Variants in NREP observed in about 807,000 individuals in gnomAD.
NREP encodes neuronal regeneration-related protein.
NREP carries 5 observed loss-of-function variants against 8.6 expected under a neutral mutation model. That is an observed-to-expected ratio of 0.58 (90% CI 0.30 to 1.22). The LOEUF (loss-of-function observed/expected upper bound fraction) is 1.22, where lower values mean the gene tolerates loss of function less well. Among genes scored for constraint, NREP ranks in the 50% most tolerant of loss-of-function variants. The probability of loss-of-function intolerance (pLI) is 0.07; values close to 1 mark genes in which losing one functional copy is unlikely to be tolerated. For missense variants in NREP, 86 were observed against 82.5 expected (o/e 1.04, Z -0.17); for synonymous variants, 27 against 28.0 (o/e 0.96, Z 0.11).
At chr5:111,759,935 G>C (rs2112861938), upstream of NREP, among the ~76,000 whole-genome samples, 1 of 152,258 alleles carries the variant, frequency 6.6e-6, no homozygotes, top group Middle Eastern at 3.4e-3. Context: ...TGTGACTATA[G>C]TCTGACTTTC....
At chr5:111,898,244 C>A (rs933927239) in intron 2 of NREP, among the ~76,000 whole-genome samples, 2 of 151,778 alleles carry the variant, frequency 1.3e-5, no homozygotes, top group Admixed American at 6.6e-5. Flanking sequence ...TGGAAGGAGG[C>A]GATTGCAGTA....
intron 2 of NREP, chr5:111,738,556 C>T (rs1289446348): frequency 1.3e-5 from 2 of 152,170 alleles, no homozygotes; most frequent in Non-Finnish European, 2.9e-5. Flanking sequence ...TTTTTGCATT[C>T]ATGCAGCAAG....
chr5:111,951,506 C>T (rs1350437390), intron 2 of NREP, among the ~76,000 whole-genome samples: 1 of 151,888 alleles, frequency 6.6e-6, no homozygotes, highest in Admixed American at 6.6e-5. Context: ...CAGAGTTGAG[C>T]AGTTATGACA....
At chr5:111,923,177 C>T (rs1230601391) in intron 2 of NREP, among the ~76,000 whole-genome samples, 1 of 152,152 alleles carries the variant, frequency 6.6e-6, no homozygotes, top group African/African-American at 2.4e-5. Flanking sequence ...TTTTCCTCTG[C>T]TTAATTCAAG....
chr5:111,741,148 A>G (rs1196475960), intron 2 of NREP, among the ~76,000 whole-genome samples: 1 of 152,208 alleles, frequency 6.6e-6, no homozygotes, highest in East Asian at 1.9e-4. Context: ...ATAACTTAAC[A>G]GGATGGGTAT....
At chr5:111,953,625 A>G (rs987464797) in intron 2 of NREP, among the ~76,000 whole-genome samples, 2 of 152,272 alleles carry the variant, frequency 1.3e-5, no homozygotes, top group East Asian at 1.9e-4. Context: ...CCTGCCCTCA[A>G]AAACCTCAGA....
intron 2 of NREP, among the ~76,000 whole-genome samples, chr5:111,953,330 G>T (rs1756218125): frequency 6.6e-6 from 1 of 152,090 alleles, no homozygotes; most frequent in Non-Finnish European, 1.5e-5. Context: ...GGGATATCTT[G>T]GGGCTGATTC....
At chr5:111,782,388 G>C (rs1001741744) in intron 2 of NREP, among the ~76,000 whole-genome samples, 1 of 152,164 alleles carries the variant, frequency 6.6e-6, no homozygotes, top group East Asian at 1.9e-4. Flanking sequence ...AAAAGGCATT[G>C]ATTCATCTCT....
At position 111,976,767 on chromosome 5, in the gene NREP, A is replaced by T. The variant is rs1756977199; in HGVS notation, c.-28T>A. On this transcript the variant is annotated 5_prime_UTR_variant, in exon 1 of 4. Coordinates refer to the NREP transcript ENST00000395634. ...CAGTCCTGTTACTGCTTGAGGATAA[A>T]GTTCAGTCTTTAAAGGACAAAGAAG... is the stretch of plus-strand genomic sequence containing the variant. The T allele has an allele frequency of 2.6e-6, 4 of 1,549,084 alleles. No individual in the cohort carries two copies. In the East Asian group the frequency reaches 9.8e-5, roughly 38 times the overall value.
intron 2 of NREP, among the ~76,000 whole-genome samples, chr5:111,896,948 C>A (rs540040220): frequency 6.6e-6 from 1 of 152,120 alleles, no homozygotes; most frequent in Admixed American, 6.6e-5. Context: ...CATATATTCT[C>A]TCAACATTCA....
At chr5:111,910,745 C>A (rs1173041203) in intron 2 of NREP, among the ~76,000 whole-genome samples, 2 of 152,028 alleles carry the variant, frequency 1.3e-5, no homozygotes, top group Non-Finnish European at 2.9e-5. Context: ...CCAAGTTTAC[C>A]TCCAAAAGGA....
At chr5:111,794,047 G>A (rs1405140563) in intron 2 of NREP, among the ~76,000 whole-genome samples, 1 of 152,114 alleles carries the variant, frequency 6.6e-6, no homozygotes, top group Non-Finnish European at 1.5e-5. Context: ...GACCCTATGA[G>A]AAGAAATAAA....
intron 2 of NREP, among the ~76,000 whole-genome samples, chr5:111,816,949 A>T (rs1290023091): frequency 6.6e-6 from 1 of 152,120 alleles, no homozygotes; most frequent in Non-Finnish European, 1.5e-5. Flanking sequence ...TATACTAATA[A>T]GAAAAAAATG....
downstream of NREP, chr5:111,729,186 A>ATATT (rs1396199706): frequency 6.6e-6 from 1 of 152,182 alleles, no homozygotes; most frequent in Non-Finnish European, 1.5e-5. Flanking sequence ...CTCTCTTTTG[A>ATATT]TATTTGCCCT....
At chr5:111,764,867 T>C (rs185561216) in intron 2 of NREP, among the ~76,000 whole-genome samples, 1 of 152,310 alleles carries the variant, frequency 6.6e-6, no homozygotes, top group East Asian at 1.9e-4. Flanking sequence ...GTGCTTGCAT[T>C]TAACAGTAAT....
At chr5:111,841,945 T>C (rs1478596844) in intron 2 of NREP, among the ~76,000 whole-genome samples, 6 of 152,166 alleles carry the variant, frequency 3.9e-5, no homozygotes, top group African/African-American at 9.6e-5. Context: ...CATTCTGTGA[T>C]TTACCCTGAG....
intron 2 of NREP, among the ~76,000 whole-genome samples, chr5:111,797,989 T>G (rs1751911161): frequency 6.6e-6 from 1 of 152,226 alleles, no homozygotes; most frequent in South Asian, 2.1e-4. Context: ...TTATTCATTT[T>G]GTAGCTCTCA....
At position 111,955,816 on chromosome 5, in the gene NREP, G is replaced by A. The variant is rs144385558; in HGVS notation, c.135+19458C>T. On this transcript the variant is annotated intron_variant, in intron 2 of 3. Coordinates refer to the NREP transcript ENST00000395634. ...ACCCACGGTGTAAGAGGCAGAGCATGGGAGTAGACAGAGCCAAAAGGTTTG... is the reference window on the plus strand; with the variant it reads ...ACCCACGGTGTAAGAGGCAGAGCATAGGAGTAGACAGAGCCAAAAGGTTTG... Among the ~76,000 whole-genome samples the A allele has an allele frequency of 2.6e-5, 4 of 151,798 alleles. No homozygotes were observed. In the East Asian group the frequency reaches 7.8e-4, roughly 30 times the overall value.
At position 111,730,998 on chromosome 5, in the gene NREP, T is replaced by C; in HGVS notation, c.130A>G (p.Thr44Ala). The change falls in exon 4 of 4, where the codon ACA (threonine) becomes GCA (alanine). Residue 44 changes from threonine to alanine, a missense_variant. Physicochemically the swap from Thr to Ala is moderately conservative, Grantham distance 58. Coordinates refer to ENST00000257435, the MANE Select transcript of NREP (RefSeq NM_004772.4). ...KEVNRKKNDE[T>A]NAASLTPLGS... ...AGTGGAGTCAGGGAGGCAGCGTTTG[T>C]CTCATCGTTCTTCTTGCGGTTCACT... The C allele has an allele frequency of 6.2e-7, 1 of 1,613,944 alleles. No individual in the cohort carries two copies. Among genetic ancestry groups the C allele is most frequent in the Non-Finnish European group, 8.5e-7 (1 of 1,179,862 alleles).
Sources: gnomAD v4.1 joint callset for allele counts (sites outside exome capture counted in the v4.1 genomes callset) on GRCh38, gnomAD v4.1.1 for gene constraint, MANE v1.5 for transcripts, NCBI Gene and HGNC (gene_info 2026-07-23, HGNC 2026-07-21) for gene names.